ADAMTSL1: variants seen among roughly 807,000 people sequenced by gnomAD.
ADAMTSL1 encodes ADAMTS like 1.
Under a neutral mutation model 201.8 loss-of-function variants are expected in ADAMTSL1, and 126 were observed. That is an observed-to-expected ratio of 0.62 (90% CI 0.54 to 0.72). The LOEUF (loss-of-function observed/expected upper bound fraction) is 0.72, where lower values mean the gene tolerates loss of function less well. Among genes scored for constraint, ADAMTSL1 ranks in the 30% least tolerant of loss-of-function variants. The pLI, the probability that ADAMTSL1 is intolerant of heterozygous loss-of-function variation, is 0.00. For missense variants in ADAMTSL1, 2,679 were observed against 2,277.8 expected (o/e 1.18, Z -3.59); for synonymous variants, 1,121 against 903.4 (o/e 1.24, Z -4.32).
At chr9:18,648,026 C>T (rs1224485755) in intron 7 of ADAMTSL1, among the ~76,000 whole-genome samples, 1 of 149,028 alleles carries the variant, frequency 6.7e-6, no homozygotes, top group Non-Finnish European at 1.5e-5. Flanking sequence ...GAGTCTAAGT[C>T]TCTTTGTAGG....
chr9:17,956,631 C>T (rs1200708542), intron 1 of ADAMTSL1, among the ~76,000 whole-genome samples: 1 of 152,092 alleles, frequency 6.6e-6, no homozygotes, highest in Non-Finnish European at 1.5e-5. Context: ...TTTCTTTGGA[C>T]TTCTGGAAAG....
chr9:18,443,374 T>A (rs1297501245), intron 2 of ADAMTSL1, among the ~76,000 whole-genome samples: 2 of 152,244 alleles, frequency 1.3e-5, no homozygotes, highest in African/African-American at 4.8e-5. Context: ...CTTCAGTGTA[T>A]AATGAATACC....
intron 4 of ADAMTSL1, among the ~76,000 whole-genome samples, chr9:18,614,342 T>G (rs368789263): frequency 6.6e-6 from 1 of 152,160 alleles, no homozygotes; most frequent in Non-Finnish European, 1.5e-5. Flanking sequence ...ACTAGAGAGA[T>G]GCTCATTGAT....
intron 1 of ADAMTSL1, among the ~76,000 whole-genome samples, chr9:18,013,844 G>C (rs536307844): frequency 6.6e-6 from 1 of 151,956 alleles, no homozygotes; most frequent in Admixed American, 6.6e-5. Flanking sequence ...GTTGAACATG[G>C]GGTTATTAAA....
At chr9:18,644,502 G>A (rs916718638) in intron 7 of ADAMTSL1, among the ~76,000 whole-genome samples, 2 of 151,684 alleles carry the variant, frequency 1.3e-5, no homozygotes, top group Non-Finnish European at 2.9e-5. Context: ...TTGTCATTTG[G>A]TATTAGGTAT....
chr9:18,270,824 G>C (rs533458454), intron 2 of ADAMTSL1, among the ~76,000 whole-genome samples: 9 of 152,266 alleles, frequency 5.9e-5, no homozygotes, highest in African/African-American at 2.2e-4. Flanking sequence ...TTCTACCCAA[G>C]GGAAATATGA....
At position 18,821,567 on chromosome 9, in the gene ADAMTSL1, AAG is replaced by A. The variant is rs1361249556; in HGVS notation, c.3934+4333_3934+4334del. On this transcript the variant is annotated intron_variant, in intron 21 of 28. Coordinates refer to ENST00000380548, the MANE Select transcript of ADAMTSL1 (RefSeq NM_001040272.6). ...GTAGGCTCACTGGGTACTCAGGAAA[AAG>A]AGGGAAACTGGTTTTGTGAACAGCT... 5.9e-5 allele frequency among the ~76,000 whole-genome samples: 9 copies of A among 152,300 alleles called. No homozygotes were observed. In the East Asian group the frequency reaches 1.7e-3, roughly 29 times the overall value.
At chr9:18,442,151 C>G (rs145439905) in intron 2 of ADAMTSL1, among the ~76,000 whole-genome samples, 1 of 152,108 alleles carries the variant, frequency 6.6e-6, no homozygotes, top group Non-Finnish European at 1.5e-5. Context: ...TGAAGACAAA[C>G]GAGAGCTTTA....
chr9:18,273,487 G>T (rs1016955159), intron 2 of ADAMTSL1, among the ~76,000 whole-genome samples: 1 of 152,208 alleles, frequency 6.6e-6, no homozygotes, highest in African/African-American at 2.4e-5. Flanking sequence ...ACTTTTATTT[G>T]TAAGCAGAAA....
intron 4 of ADAMTSL1, among the ~76,000 whole-genome samples, chr9:18,586,874 G>C (rs142541879): frequency 0.076 from 11,527 of 152,154 alleles, 469 homozygotes; most frequent in East Asian, 0.1. Flanking sequence ...AAATGGTGCT[G>C]GGATAACTGG....
At chr9:17,938,740 G>A (rs1382614247) in intron 1 of ADAMTSL1, among the ~76,000 whole-genome samples, 1 of 152,116 alleles carries the variant, frequency 6.6e-6, no homozygotes, top group African/African-American at 2.4e-5. Context: ...CCTTGTCACA[G>A]AATCTTTGAG....
At chr9:18,269,370 C>A (rs1482340025) in intron 2 of ADAMTSL1, among the ~76,000 whole-genome samples, 1 of 152,002 alleles carries the variant, frequency 6.6e-6, no homozygotes, top group African/African-American at 2.4e-5. Context: ...ATTGTAGGAC[C>A]CATCTGCATG....
At chr9:18,842,927 T>G (rs1825825275) in intron 23 of ADAMTSL1, among the ~76,000 whole-genome samples, 1 of 152,158 alleles carries the variant, frequency 6.6e-6, no homozygotes, top group Non-Finnish European at 1.5e-5. Context: ...CCTATGCATG[T>G]CTCTGCGCGT....
chr9:18,400,106 A>G (rs1025819739), intron 2 of ADAMTSL1, among the ~76,000 whole-genome samples: 2 of 152,196 alleles, frequency 1.3e-5, no homozygotes, highest in African/African-American at 2.4e-5. Context: ...TTGTACTTAA[A>G]TCTAACCCTA....
intron 23 of ADAMTSL1, among the ~76,000 whole-genome samples, chr9:18,866,648 C>G (rs953424315): frequency 1.2e-4 from 18 of 152,182 alleles, no homozygotes; most frequent in African/African-American, 4.1e-4. Flanking sequence ...ACAGTCACCT[C>G]TACAGCAGAG....
intron 19 of ADAMTSL1, among the ~76,000 whole-genome samples, chr9:18,781,665 A>G (rs1821402943): frequency 6.6e-6 from 1 of 152,108 alleles, no homozygotes; most frequent in Non-Finnish European, 1.5e-5. Context: ...TTATTTTCAA[A>G]CAGAAGTGCT....
intron 23 of ADAMTSL1, among the ~76,000 whole-genome samples, chr9:18,844,207 G>T (rs1825932271): frequency 6.6e-6 from 1 of 152,112 alleles, no homozygotes; most frequent in African/African-American, 2.4e-5. Context: ...GTACAGATGG[G>T]TTTTTGGTGT....
intron 23 of ADAMTSL1, among the ~76,000 whole-genome samples, chr9:18,834,714 G>T (rs975965187): frequency 9.2e-5 from 14 of 152,174 alleles, no homozygotes; most frequent in Admixed American, 6.5e-4. Flanking sequence ...TTATAGAATG[G>T]TATAGAAAAG....
intron 1 of ADAMTSL1, among the ~76,000 whole-genome samples, chr9:17,967,948 G>A (rs948442838): frequency 6.6e-6 from 1 of 152,088 alleles, no homozygotes; most frequent in African/African-American, 2.4e-5. Flanking sequence ...TCTTGGCCTT[G>A]CTCACTGACC....
Sources: allele counts gnomAD v4.1 joint callset (sites outside exome capture counted in the v4.1 genomes callset), GRCh38; gene constraint gnomAD v4.1.1; transcripts MANE v1.5; gene names NCBI Gene and HGNC (gene_info 2026-07-23, HGNC 2026-07-21).